Variants in ODAD1 observed in about 807,000 individuals in gnomAD.
ODAD1 encodes outer dynein arm docking complex subunit 1, also known as outer dynein arm-docking complex subunit 1.
ODAD1 carries 49 observed loss-of-function variants against 67.2 expected under a neutral mutation model. That is an observed-to-expected ratio of 0.73 (90% confidence interval 0.58 to 0.92). The LOEUF (loss-of-function observed/expected upper bound fraction) is 0.92, where lower values mean the gene tolerates loss of function less well. Among genes scored for constraint, ODAD1 ranks in the 40% least tolerant of loss-of-function variants. The pLI is 0.00. For missense variants in ODAD1, 897 were observed against 953.7 expected (o/e 0.94, Z 0.78); for synonymous variants, 345 against 393.7 (o/e 0.88, Z 1.46).
At chr19:48,303,503 A>G (rs967659210) in intron 10 of ODAD1, 147 bp downstream of exon 10, 38 of 932,600 alleles carry the variant, frequency 4.1e-5, no homozygotes, top group Non-Finnish European at 5.7e-5. Context: ...ACGCCAGTGG[A>G]CGCGGGCGGC....
At chr19:48,313,702 G>A (rs1968829852) in intron 5 of ODAD1, among the ~76,000 whole-genome samples, 1 of 151,864 alleles carries the variant, frequency 6.6e-6, no homozygotes, top group Non-Finnish European at 1.5e-5. Flanking sequence ...GGGCCACAAA[G>A]CAAGACCCCA....
chr19:48,304,095 C>T lies in ODAD1; in HGVS notation c.711G>A (p.Glu237=), dbSNP rs371432008. Residue 237 remains glutamate (E), a synonymous_variant, in exon 9 of 16, where the codon GAG becomes GAA. Coordinates refer to ENST00000674294, the MANE Select transcript of ODAD1 (RefSeq NM_001364171.2). The stretch of plus-strand genomic sequence containing the variant: ...CCATCTCGCTCTGGGCCTCCTCTTT[C>T]TCCGCGCGCTCCCGCAGCAAGCCCA... ...AKMGLLRERA[E]KEEAQSEMEA... is the part of the protein sequence containing the mutation. 3.7e-5 allele frequency: 59 copies of T among 1,613,596 alleles called. No individual in the cohort carries two copies. Among genetic ancestry groups the T allele is most frequent in the Non-Finnish European group, 1.1e-5 (13 of 1,179,834 alleles).
Position 48,321,862 on chromosome 19 carries a change from G to T in ODAD1, c.-248C>A. The T allele has an allele frequency of 1.0e-5, 4 of 398,600 alleles. No homozygotes were observed. Among genetic ancestry groups the T allele is most frequent in the Non-Finnish European group, 1.8e-5 (4 of 226,030 alleles). The allele number at this position is 398,600 out of a possible 1,614,324, so 24.7% of individuals were successfully genotyped here. The stretch of plus-strand genomic sequence containing the variant: ...TCGAAGCCGGGAGTTGCGCGGAGAA[G>T]GAGCGCTCAACACAGCCTCAGCGGT... On this transcript the variant is annotated 5_prime_UTR_variant, in exon 1 of 16. Transcript: ENST00000674294.
At chr19:48,314,615 G>A (rs1362662461) in intron 5 of ODAD1, among the ~76,000 whole-genome samples, 1 of 152,144 alleles carries the variant, frequency 6.6e-6, no homozygotes, top group Non-Finnish European at 1.5e-5. Flanking sequence ...TTGTGAGACT[G>A]GATTTTCAGC....
rs368596437 is a variant in ODAD1, at chr19:48,298,921, G to A, written c.1241-581C>T. On this transcript the variant is annotated intron_variant, in intron 12 of 15. Transcript: ENST00000674294. ...ATCACGACAGCAGGAAGGAGGACCT[G>A]CCCATATCTGAGCTCCTACGGTATG... Among the ~76,000 whole-genome samples the A allele has an allele frequency of 4.6e-5, 7 of 152,310 alleles. No homozygotes were observed. The East Asian group carries it at 1.4e-3, about 29-fold the overall frequency.
intron 5 of ODAD1, among the ~76,000 whole-genome samples, chr19:48,317,900 G>A (rs989196705): frequency 1.3e-5 from 2 of 151,964 alleles, no homozygotes; most frequent in African/African-American, 4.8e-5. Flanking sequence ...GTAAAATCCT[G>A]TCTCTACTAA....
intron 3 of ODAD1, 156 bp downstream of exon 3, chr19:48,320,143 G>A: frequency 2.2e-6 from 2 of 900,746 alleles, no homozygotes; most frequent in Non-Finnish European, 2.8e-6. Context: ...CCCACCCACC[G>A]TGGTGCCCGC....
chr19:48,303,460 G>A, intron 10 of ODAD1, 190 bp downstream of exon 10: 1 of 639,496 alleles, frequency 1.6e-6, no homozygotes, highest in Non-Finnish European at 2.7e-6. Context: ...GTTAGGAGGG[G>A]GTGGGGAGGG....
chr19:48,296,743 CAGG>C lies in ODAD1; in HGVS notation c.*230_*232del. On this transcript the variant is annotated 3_prime_UTR_variant, in exon 16 of 16. Transcript: ENST00000674294. ...GACACTGACCAGGAAGCCCAGAGAA[CAGG>C]AGATCAGGAGTCAGAGGGAAAAGCA... The C allele has an allele frequency of 7.3e-7, 1 of 1,374,236 alleles. No homozygotes were observed. The highest frequency in any genetic ancestry group is 9.4e-7 in the Non-Finnish European group (1 of 1,067,964). 85.1% of individuals were successfully genotyped at this position (1,374,236 alleles called of 1,614,324 possible).
chr19:48,305,347 C>G (rs545037762), intron 8 of ODAD1, among the ~76,000 whole-genome samples: 3 of 152,102 alleles, frequency 2.0e-5, no homozygotes, highest in East Asian at 3.9e-4. Context: ...TGACGAATAA[C>G]AAATTCGCCA....
rs1968956458 is a variant in ODAD1 at position 48,318,393 on chromosome 19, G to T, written c.354C>A (p.Asp118Glu). ...EELQEQTRAL[D>E]KQIQEWETRI... ...ACCACCTCTCAAACCCCACCTGCTTGTCCAGGGCCCTGGTCTGCTCCTGCA... is the reference window on the plus strand; with the variant it reads ...ACCACCTCTCAAACCCCACCTGCTTTTCCAGGGCCCTGGTCTGCTCCTGCA... The change falls in exon 5 of 16, where the codon GAC becomes GAA. Residue 118 changes from aspartate (D) to glutamate (E), a missense_variant. Coordinates refer to ENST00000674294, the MANE Select transcript of ODAD1 (RefSeq NM_001364171.2). 3 of 1,551,104 alleles carry T rather than the reference G, an allele frequency of 1.9e-6. No homozygotes were observed. The African/African-American group carries it at 4.1e-5, about 21-fold the overall frequency.
Position 48,306,328 on chromosome 19 carries a change from G to T in ODAD1, c.598-5C>A, listed in dbSNP as rs10416590. The T allele has an allele frequency of 4.3e-3, 6,725 of 1,550,312 alleles. 245 individuals are homozygous for T. In the African/African-American group the frequency reaches 0.081, roughly 19 times the overall value. ...GTGATGCAGGTGGTGGATCTCCTGT[G>T]GGGGGAGGAGAAAAAAATCAGTGCC... On this transcript the variant is annotated splice_region_variant and splice_polypyrimidine_tract_variant and intron_variant, in intron 7 of 15. Transcript: ENST00000674294.
chr19:48,298,419 T>G (rs1361847303), intron 12 of ODAD1, 79 bp from the exon 13 acceptor site: 1 of 1,438,376 alleles, frequency 7.0e-7, no homozygotes, highest in East Asian at 2.3e-5. Flanking sequence ...AGGTCCTCAC[T>G]GCCCCATTCT....
At chr19:48,306,395 C>G in intron 7 of ODAD1, 72 bp from the exon 8 acceptor site, 1 of 1,294,780 alleles carries the variant, frequency 7.7e-7, no homozygotes, top group South Asian at 1.3e-5. Context: ...CCTTTTGGCC[C>G]CGTGCTTCTC....
chr19:48,303,519 C>G, intron 10 of ODAD1, 131 bp downstream of exon 10: 4 of 1,178,624 alleles, frequency 3.4e-6, no homozygotes, highest in Non-Finnish European at 4.8e-6. Flanking sequence ...GCGGCGGGTC[C>G]CAGGCATGAC....
rs748867205 is a variant in ODAD1, at chr19:48,302,675, G to GGC, written c.1240+17_1240+18dup. ...AGTGGAGAAGCCAGGCTCGGGAGGG[G>GGC]GCGCCCATGGGTGCTCACCAGCCTT... On this transcript the variant is annotated intron_variant, in intron 12 of 15. Transcript: ENST00000674294. 6.3e-7 allele frequency: 1 copy of GGC among 1,594,250 alleles called. No individual in the cohort carries two copies. Among genetic ancestry groups the GGC allele is most frequent in the South Asian group, 1.1e-5 (1 of 90,486 alleles).
rs1199110576 is a variant in ODAD1 at position 48,304,153 on chromosome 19, G to C, written c.666-13C>G. The C allele has an allele frequency of 6.3e-7, 1 of 1,591,700 alleles. No individual in the cohort carries two copies. Among genetic ancestry groups the C allele is most frequent in the Non-Finnish European group, 8.6e-7 (1 of 1,168,576 alleles). ...CTTCGCCTCCTCCCTGCGGGGGTCA[G>C]CCGGGGTCAGGATGACTGGAGGCTG... On this transcript the variant is annotated splice_polypyrimidine_tract_variant and intron_variant, in intron 8 of 15. Coordinates refer to ENST00000674294, the MANE Select transcript of ODAD1 (RefSeq NM_001364171.2).
chr19:48,317,448 T>C (rs910599576), intron 5 of ODAD1, among the ~76,000 whole-genome samples: 2 of 152,104 alleles, frequency 1.3e-5, no homozygotes, highest in Non-Finnish European at 2.9e-5. Context: ...CCGTCCTTGT[T>C]TGCAGATGAA....
At chr19:48,308,318 G>GCA (rs1968670572) in intron 7 of ODAD1, among the ~76,000 whole-genome samples, 1 of 152,052 alleles carries the variant, frequency 6.6e-6, no homozygotes, top group Admixed American at 6.6e-5. Context: ...GGGATTACAG[G>GCA]CGTGCACCAC....
Sources: gnomAD v4.1 joint callset for allele counts (sites outside exome capture counted in the v4.1 genomes callset) on GRCh38, gnomAD v4.1.1 for gene constraint, MANE v1.5 for transcripts, NCBI Gene and HGNC (gene_info 2026-07-23, HGNC 2026-07-21) for gene names.